The following FNBP1 variants were observed in gnomAD, a reference collection of about 807,000 sequenced individuals.
FNBP1 encodes formin-binding protein 1.
Under a neutral mutation model 90.6 loss-of-function variants are expected in FNBP1, and 26 were observed. That is an observed-to-expected ratio of 0.29 (90% confidence interval 0.21 to 0.40). FNBP1 has a LOEUF of 0.40. Ranked by LOEUF, FNBP1 falls within the 10% of genes least tolerant of loss-of-function variation. The pLI is 1.00. For synonymous variants in FNBP1, 260 were observed against 265.2 expected, an observed-to-expected ratio of 0.98 and a Z score of 0.19; for missense variants, 635 against 768.0, an observed-to-expected ratio of 0.83 and a Z score of 2.05.
At chr9:130,045,989 G>A (rs2060057675), upstream of FNBP1, among the ~76,000 whole-genome samples, 1 of 152,022 alleles carries the variant, frequency 6.6e-6, no homozygotes, top group South Asian at 2.1e-4. Flanking sequence ...TTATCTAGGG[G>A]GTTAATCTGG....
chr9:129,905,930 C>G (rs2037971230), intron 12 of FNBP1, among the ~76,000 whole-genome samples: 1 of 148,824 alleles, frequency 6.7e-6, no homozygotes, highest in African/African-American at 2.5e-5. Flanking sequence ...GTTGCCTAGG[C>G]TGGAATGTAA....
the FNBP1 span, among the ~76,000 whole-genome samples, chr9:130,052,085 G>A: frequency 6.6e-6 from 1 of 152,194 alleles, no homozygotes; most frequent in Non-Finnish European, 1.5e-5. Flanking sequence ...CAAGGCAGCA[G>A]TTTTCTAGAA....
At chr9:129,944,201 T>C (rs1264293470) in intron 6 of FNBP1, among the ~76,000 whole-genome samples, 1 of 151,984 alleles carries the variant, frequency 6.6e-6, no homozygotes, top group African/African-American at 2.4e-5. Context: ...ACACTCTTTG[T>C]CAAATAAATA....
Position 129,889,916 on chromosome 9 carries a change from G to T in FNBP1, c.*623C>A, listed in dbSNP as rs187089809. 47 of 236,448 alleles carry T rather than the reference G, an allele frequency of 2.0e-4. No individual in the cohort carries two copies. The highest frequency in any genetic ancestry group is 9.7e-4 in the African/African-American group (44 of 45,508). 14.6% of individuals were successfully genotyped at this position (236,448 alleles called of 1,614,324 possible). ...TGTGCCTGTGGGTGTGTGTGTACCT[G>T]CCCCCCTGCCTGCCAGATGCTCCCA... On this transcript the variant is annotated 3_prime_UTR_variant, in exon 17 of 17. Coordinates refer to ENST00000446176, the MANE Select transcript of FNBP1 (RefSeq NM_015033.3).
At chr9:129,945,090 T>C (rs1378079987) in intron 6 of FNBP1, among the ~76,000 whole-genome samples, 2 of 152,190 alleles carry the variant, frequency 1.3e-5, no homozygotes, top group East Asian at 3.9e-4. Context: ...ATTTTGTACA[T>C]TAACTTATAG....
intron 6 of FNBP1, among the ~76,000 whole-genome samples, chr9:129,949,390 G>A (rs988419525): frequency 6.6e-6 from 1 of 152,152 alleles, no homozygotes; most frequent in Non-Finnish European, 1.5e-5. Context: ...AAAACTGCTA[G>A]CTTTTTCTTA....
At position 129,916,221 on chromosome 9, in the gene FNBP1, C is replaced by G. The variant is rs1445252287; in HGVS notation, c.1171-241G>C. The G allele has an allele frequency of 5.4e-6, 3 of 553,200 alleles. No individual in the cohort carries two copies. The African/African-American group carries it at 5.7e-5, about 10-fold the overall frequency. 34.3% of individuals were successfully genotyped at this position (553,200 alleles called of 1,614,324 possible). A position where few individuals can be genotyped will look rare whatever the true frequency, so the allele number is the denominator to read the frequency against. Reference sequence around the variant, plus strand: ...GCTCCACATTGCCAGAGCCAAAGATCAGATAGAAAAGGAGGGTTTCTGTTA... The same window carrying G: ...GCTCCACATTGCCAGAGCCAAAGATGAGATAGAAAAGGAGGGTTTCTGTTA... On this transcript the variant is annotated intron_variant, in intron 10 of 16. Transcript: ENST00000446176.
chr9:130,034,724 G>C (rs77593354), intron 1 of FNBP1, among the ~76,000 whole-genome samples: 34 of 152,184 alleles, frequency 2.2e-4, no homozygotes, highest in Non-Finnish European at 3.8e-4. Flanking sequence ...GCATTTAGTG[G>C]TGTGAGTCAT....
At chr9:130,004,399 C>T (rs544670905) in intron 1 of FNBP1, among the ~76,000 whole-genome samples, 12 of 152,292 alleles carry the variant, frequency 7.9e-5, no homozygotes, top group Admixed American at 2.6e-4. Context: ...AGGCCAGTCC[C>T]CCTCTGCAAG....
At chr9:129,914,109 A>G (rs1208036657) in intron 11 of FNBP1, among the ~76,000 whole-genome samples, 1 of 146,648 alleles carries the variant, frequency 6.8e-6, no homozygotes, top group East Asian at 2.0e-4. Context: ...GCCTGCCCCC[A>G]CCTCCCAAAG....
chr9:129,951,059 C>T (rs1419143290), intron 6 of FNBP1, among the ~76,000 whole-genome samples: 1 of 151,514 alleles, frequency 6.6e-6, no homozygotes, highest in Admixed American at 6.6e-5. Context: ...GCAACCTCCA[C>T]CTCCTGGGTT....
At chr9:129,951,552 G>A (rs1179412126) in intron 6 of FNBP1, among the ~76,000 whole-genome samples, 1 of 151,660 alleles carries the variant, frequency 6.6e-6, no homozygotes, top group Non-Finnish European at 1.5e-5. Context: ...AGTGATCCTC[G>A]CATTTCACCC....
chr9:129,928,213 A>G (rs2042199330), intron 7 of FNBP1, among the ~76,000 whole-genome samples: 1 of 152,260 alleles, frequency 6.6e-6, no homozygotes, highest in African/African-American at 2.4e-5. Flanking sequence ...ACAACCTAAC[A>G]TGAGCAAAAG....
intron 12 of FNBP1, among the ~76,000 whole-genome samples, chr9:129,904,333 C>T (rs1400381402): frequency 6.6e-6 from 1 of 152,188 alleles, no homozygotes; most frequent in Non-Finnish European, 1.5e-5. Flanking sequence ...CCCGGGCAGG[C>T]ATCCCTAGAG....
Position 129,923,970 on chromosome 9 carries a change from G to C in FNBP1, c.1044C>G (p.Ala348=). 6.4e-7 allele frequency: 1 copy of C among 1,553,990 alleles called. No homozygotes were observed. The highest frequency in any genetic ancestry group is 8.7e-7 in the Non-Finnish European group (1 of 1,155,838). Residue 348 remains alanine (A), a synonymous_variant, in exon 10 of 17, where the codon GCC becomes GCG. Coordinates refer to ENST00000446176, the MANE Select transcript of FNBP1 (RefSeq NM_015033.3). ...GGCCGTTGGGAACAGCAGAGGGTGAGGCAGAGGCAGGAGGGGGAGGGGGAG... is the reference window on the plus strand; with the variant it reads ...GGCCGTTGGGAACAGCAGAGGGTGACGCAGAGGCAGGAGGGGGAGGGGGAG... ...HQPPPPPPAS[A]SPSAVPNGPQ...
chr9:129,912,664 T>C (rs1399125104), intron 11 of FNBP1, among the ~76,000 whole-genome samples: 1 of 130,294 alleles, frequency 7.7e-6, no homozygotes, highest in Admixed American at 9.7e-5. Flanking sequence ...CACTCCAGCC[T>C]GGACAACATG....
At chr9:129,991,149 G>A (rs1359856238) in intron 2 of FNBP1, among the ~76,000 whole-genome samples, 1 of 151,732 alleles carries the variant, frequency 6.6e-6, no homozygotes, top group African/African-American at 2.4e-5. Context: ...TTAGTCAGCT[G>A]GTCTTGAACT....
intron 2 of FNBP1, among the ~76,000 whole-genome samples, chr9:129,991,222 G>A (rs1428558623): frequency 6.6e-6 from 1 of 151,734 alleles, no homozygotes; most frequent in African/African-American, 2.4e-5. Context: ...AAACCAGGAA[G>A]GATGCAGCTA....
intron 1 of FNBP1, among the ~76,000 whole-genome samples, chr9:130,012,308 A>G (rs1165697053): frequency 6.6e-6 from 1 of 152,182 alleles, no homozygotes. Context: ...TGAGTTACTA[A>G]AAGGATTAGT....
Sources: allele counts gnomAD v4.1 joint callset (sites outside exome capture counted in the v4.1 genomes callset), GRCh38; gene constraint gnomAD v4.1.1; transcripts MANE v1.5; gene names NCBI Gene and HGNC (gene_info 2026-07-23, HGNC 2026-07-21).